PRKN: variants seen among roughly 807,000 people sequenced by gnomAD.
PRKN encodes E3 ubiquitin-protein ligase parkin.
A neutral mutation model predicts 59.5 loss-of-function variants in PRKN; 56 were observed. The ratio of observed to expected loss-of-function variants is 0.94; its 90% CI spans 0.76 to 1.18. The LOEUF (loss-of-function observed/expected upper bound fraction) is 1.18, where lower values mean the gene tolerates loss of function less well. PRKN is among the 50% of genes most tolerant of loss of function. The probability of loss-of-function intolerance (pLI) is 0.00; values close to 1 mark genes in which losing one functional copy is unlikely to be tolerated. For missense variants in PRKN, 657 were observed against 596.4 expected (o/e 1.10, Z -1.06); for synonymous variants, 250 against 222.1 (o/e 1.13, Z -1.12).
At chr6:162,458,052 G>A (rs1466725044) in intron 1 of PRKN, among the ~76,000 whole-genome samples, 1 of 151,464 alleles carries the variant, frequency 6.6e-6, no homozygotes, top group African/African-American at 2.4e-5. Context: ...TCAGGAGTTT[G>A]AGACCAGCCT....
Position 161,665,763 on chromosome 6 carries a change from G to A in PRKN, c.872-96347C>T, listed in dbSNP as rs7769982. Among the ~76,000 whole-genome samples, 1,468 of 152,240 alleles carry A rather than the reference G, an allele frequency of 9.6e-3. 25 individuals are homozygous for A. The highest frequency in any genetic ancestry group is 0.064 in the East Asian group (332 of 5,162). ...GACAACAATAACAAAACACGTCATC[G>A]GCCTTTTCTTCATATTAAGTCTTAT... is the stretch of plus-strand genomic sequence containing the variant. On this transcript the variant is annotated intron_variant, in intron 7 of 11. Transcript: ENST00000366898.
intron 1 of PRKN, among the ~76,000 whole-genome samples, chr6:162,692,748 T>C (rs917165874): frequency 6.6e-6 from 1 of 152,230 alleles, no homozygotes; most frequent in African/African-American, 2.4e-5. Context: ...CTATGTCCCT[T>C]TTACCTTTGT....
intron 6 of PRKN, among the ~76,000 whole-genome samples, chr6:161,819,770 A>G (rs1219276630): frequency 6.6e-6 from 1 of 152,242 alleles, no homozygotes; most frequent in African/African-American, 2.4e-5. Context: ...GCGAATCTCA[A>G]AGAAAAAGTA....
At chr6:162,585,850 T>C (rs1452469834) in intron 1 of PRKN, among the ~76,000 whole-genome samples, 6 of 151,392 alleles carry the variant, frequency 4.0e-5, no homozygotes, top group Non-Finnish European at 8.8e-5. Context: ...TACAGGCGCG[T>C]GCCACCATGC....
chr6:162,484,987 C>T (rs1001016407), intron 1 of PRKN, among the ~76,000 whole-genome samples: 1 of 152,014 alleles, frequency 6.6e-6, no homozygotes, highest in South Asian at 2.1e-4. Flanking sequence ...GGCATATATT[C>T]TTTTCATAAT....
At chr6:162,303,533 A>T (rs531208080) in intron 2 of PRKN, among the ~76,000 whole-genome samples, 1 of 152,294 alleles carries the variant, frequency 6.6e-6, no homozygotes, top group East Asian at 1.9e-4. Context: ...CATGTACTGA[A>T]GTACCTACTG....
At chr6:162,294,284 T>C (rs1031264364) in intron 2 of PRKN, among the ~76,000 whole-genome samples, 1 of 151,982 alleles carries the variant, frequency 6.6e-6, no homozygotes, top group African/African-American at 2.4e-5. Context: ...CCTACACCCT[T>C]TCAAGCTTCC....
intron 1 of PRKN, among the ~76,000 whole-genome samples, chr6:162,466,142 T>C (rs1011307715): frequency 6.6e-6 from 1 of 152,202 alleles, no homozygotes; most frequent in Non-Finnish European, 1.5e-5. Context: ...CAGAAACAGC[T>C]ACTACCTTTT....
chr6:162,184,826 T>C (rs1482367015), intron 4 of PRKN, among the ~76,000 whole-genome samples: 1 of 152,182 alleles, frequency 6.6e-6, no homozygotes, highest in Non-Finnish European at 1.5e-5. Flanking sequence ...CCAGGCAATA[T>C]TGAGAAGTTT....
At chr6:162,135,309 C>T (rs758621002) in intron 4 of PRKN, among the ~76,000 whole-genome samples, 2 of 151,912 alleles carry the variant, frequency 1.3e-5, no homozygotes, top group Non-Finnish European at 2.9e-5. Context: ...GCTAAAACAC[C>T]GCGATTAAAG....
At chr6:161,901,851 G>C (rs1326105464) in intron 6 of PRKN, among the ~76,000 whole-genome samples, 2 of 152,176 alleles carry the variant, frequency 1.3e-5, no homozygotes, top group Non-Finnish European at 2.9e-5. Context: ...TTCTCAGAAA[G>C]GGTCCTCTGA....
chr6:162,467,467 T>C (rs752462007), intron 1 of PRKN, among the ~76,000 whole-genome samples: 7 of 152,292 alleles, frequency 4.6e-5, no homozygotes, highest in African/African-American at 1.2e-4. Context: ...CATGAATGAA[T>C]AGCTCATGAT....
In PRKN at chr6:161,529,406, A is replaced by T. The variant is rs1259812498; in HGVS notation, c.1083+19448T>A. 4.6e-5 allele frequency among the ~76,000 whole-genome samples: 7 copies of T among 152,170 alleles called. No individual in the cohort carries two copies. The highest frequency in any genetic ancestry group is 7.3e-5 in the Non-Finnish European group (5 of 68,036). ...GCCCATCTGCTCTGGTAATGTCAAT[A>T]CCAGCATGCAAGAAAGCTCCGAGTC... On this transcript the variant is annotated intron_variant, in intron 9 of 11. Coordinates refer to ENST00000366898, the MANE Select transcript of PRKN (RefSeq NM_004562.3). The surrounding 1 kb of genome is among the most constrained non-coding windows in gnomAD (Gnocchi z 4.4).
intron 4 of PRKN, among the ~76,000 whole-genome samples, chr6:162,075,698 G>T (rs1778793044): frequency 6.6e-6 from 1 of 151,908 alleles, no homozygotes. Context: ...GTAAGAAGCT[G>T]GCTAGATAAG....
intron 7 of PRKN, among the ~76,000 whole-genome samples, chr6:161,611,602 T>G (rs553972038): frequency 2.1e-4 from 32 of 152,332 alleles, no homozygotes; most frequent in Admixed American, 1.6e-3. Flanking sequence ...ACTGGTAAAG[T>G]GTTGTGTGTG....
chr6:161,484,132 C>T lies in PRKN; in HGVS notation c.1083+64722G>A, dbSNP rs139387149. 2.6e-3 allele frequency among the ~76,000 whole-genome samples: 396 copies of T among 152,134 alleles called. 1 individual carries two copies. Among genetic ancestry groups the T allele is most frequent in the African/African-American group, 9.1e-3 (379 of 41,492 alleles). On this transcript the variant is annotated intron_variant, in intron 9 of 11. Coordinates refer to ENST00000366898, the MANE Select transcript of PRKN (RefSeq NM_004562.3). This position sits in a 1 kb window ranked among gnomAD's most constrained non-coding sequence, Gnocchi z 4.9. ...GCAAAACACCATGGCACACGTTTAC[C>T]TATATAACAAACCTGCACATCCTGC... is the stretch of plus-strand genomic sequence containing the variant.
chr6:161,537,363 C>T (rs181464976), intron 9 of PRKN, among the ~76,000 whole-genome samples: 1 of 152,262 alleles, frequency 6.6e-6, no homozygotes, highest in Non-Finnish European at 1.5e-5. Context: ...TGGACTATCT[C>T]TTCTATTTCC....
intron 7 of PRKN, among the ~76,000 whole-genome samples, chr6:161,710,690 TCAC>T (rs1786701023): frequency 6.6e-6 from 1 of 152,142 alleles, no homozygotes; most frequent in Non-Finnish European, 1.5e-5. Flanking sequence ...AGCTAGCTGC[TCAC>T]CACCGGGCTC....
At chr6:162,280,796 CAA>C (rs35943173) in intron 2 of PRKN, among the ~76,000 whole-genome samples, 9 of 41,344 alleles carry the variant, frequency 2.2e-4, no homozygotes, top group Admixed American at 3.8e-4. Context: ...GACTCCATCT[CAA>C]AAAAAAAAAA....
Sources: gnomAD v4.1 joint callset for allele counts (sites outside exome capture counted in the v4.1 genomes callset) on GRCh38, gnomAD v4.1.1 for gene constraint, Gnocchi (gnomAD v3.1) non-coding constraint, MANE v1.5 for transcripts, NCBI Gene and HGNC (gene_info 2026-07-23, HGNC 2026-07-21) for gene names.